The following ATP8A1 variants were observed in gnomAD, a reference collection of about 807,000 sequenced individuals.
ATP8A1 encodes the protein ATPase phospholipid transporting 8A1.
A neutral mutation model predicts 177.7 loss-of-function variants in ATP8A1; 90 were observed. The ratio of observed to expected loss-of-function variants is 0.51; its 90% CI spans 0.43 to 0.60. ATP8A1 has a LOEUF of 0.60. ATP8A1 is among the 20% of genes least tolerant of loss of function. The pLI is 0.00. For missense variants in ATP8A1, 1,072 were observed against 1,392.8 expected (o/e 0.77, Z 3.67); for synonymous variants, 493 against 485.9 (o/e 1.01, Z -0.19).
chr4:42,533,157 T>C (rs994733712), intron 20 of ATP8A1, among the ~76,000 whole-genome samples: 1 of 152,160 alleles, frequency 6.6e-6, no homozygotes. Context: ...TCCACACTTT[T>C]TGAAGGAGGA....
intron 24 of ATP8A1, among the ~76,000 whole-genome samples, chr4:42,493,827 C>G (rs1007928715): frequency 6.6e-6 from 1 of 151,966 alleles, no homozygotes; most frequent in Non-Finnish European, 1.5e-5. Flanking sequence ...AATAAAGTGC[C>G]CTGTCCAGTG....
chr4:42,624,550 T>A lies in ATP8A1; in HGVS notation c.349A>T (p.Ile117Leu). 2 of 1,474,794 alleles carry A rather than the reference T, an allele frequency of 1.4e-6. No homozygotes were observed. Among genetic ancestry groups the A allele is most frequent in the Non-Finnish European group, 9.1e-7 (1 of 1,104,226 alleles). The allele number at this position is 1,474,794 out of a possible 1,614,324, so 91.4% of individuals were successfully genotyped here. The change falls in exon 4 of 37, where the codon ATA becomes TTA. Residue 117 changes from isoleucine to leucine, a missense_variant. Ile to Leu is a conservative substitution (Grantham distance 5). Around this residue, in one of 5 missense-constraint regions of ATP8A1, gnomAD observed 344 missense variants for 393.5 expected, o/e 0.87. Transcript: ENST00000381668. Reference sequence around the variant, plus strand: ...AGAATACTTACAATATCTTCTATTATCTCTTTGATAGCTGCCACAGCTAAA... The same window carrying A: ...AGAATACTTACAATATCTTCTATTAACTCTTTGATAGCTGCCACAGCTAAA... Reference protein sequence around the residue: ...FILAVAAIKEIIEDIKRHKAD... With the variant: ...FILAVAAIKELIEDIKRHKAD...
At chr4:42,586,175 TAA>T (rs1336732893) in intron 9 of ATP8A1, among the ~76,000 whole-genome samples, 172 bp downstream of exon 9, 1 of 152,198 alleles carries the variant, frequency 6.6e-6, no homozygotes, top group Non-Finnish European at 1.5e-5. Context: ...CATGAATGGA[TAA>T]GATTCAACAT....
intron 3 of ATP8A1, 88 bp downstream of exon 3, chr4:42,625,526 G>C (rs1418487932): frequency 1.2e-6 from 1 of 824,310 alleles, no homozygotes; most frequent in African/African-American, 1.8e-5. Flanking sequence ...TTATCTCTCG[G>C]CATTTACATA....
chr4:42,627,143 G>T, intron 1 of ATP8A1, 34 bp from the exon 2 acceptor site: 1 of 1,523,312 alleles, frequency 6.6e-7, no homozygotes, highest in Non-Finnish European at 9.1e-7. Context: ...TACAAGAAAT[G>T]TTTTATTGTC....
rs537263039 is a variant in ATP8A1, at chr4:42,542,302, A to C, written c.1722+1615T>G. On this transcript the variant is annotated intron_variant, in intron 20 of 36. Coordinates refer to ENST00000381668, the MANE Select transcript of ATP8A1 (RefSeq NM_006095.2). The stretch of plus-strand genomic sequence containing the variant: ...TCCATCATTTTTTATTTTTTATTCA[A>C]AGCTTTAACTCCTCAAACAAGTTTC... Among the ~76,000 whole-genome samples the C allele has an allele frequency of 1.3e-3, 193 of 152,236 alleles. 3 individuals carry two copies. Among genetic ancestry groups the C allele is most frequent in the Admixed American group, 0.012 (186 of 15,276 alleles).
chr4:42,507,275 T>A, intron 22 of ATP8A1, 121 bp from the exon 23 acceptor site: 2 of 1,053,604 alleles, frequency 1.9e-6, no homozygotes, highest in Non-Finnish European at 1.4e-6. Context: ...GACTTTGGTG[T>A]AAATTCCAAC....
In ATP8A1 at chr4:42,557,465, T is replaced by A. The variant is rs189136475; in HGVS notation, c.1341-1425A>T. Among the ~76,000 whole-genome samples the A allele has an allele frequency of 8.4e-3, 1,279 of 152,328 alleles. 12 individuals are homozygous for A. The highest frequency in any genetic ancestry group is 0.029 in the African/African-American group (1,193 of 41,576). ...ATGTCAAGGAATATTCACAGTAACA[T>A]CTTGCAAGAAGTCTATTTTCTTTCC... On this transcript the variant is annotated intron_variant, in intron 15 of 36. Coordinates refer to ENST00000381668, the MANE Select transcript of ATP8A1 (RefSeq NM_006095.2).
chr4:42,576,404 T>A (rs1401838109), intron 12 of ATP8A1, among the ~76,000 whole-genome samples: 5 of 123,492 alleles, frequency 4.0e-5, no homozygotes, highest in Admixed American at 3.3e-4. Context: ...TGAACCCGGG[T>A]GGCAAAGCTC....
At chr4:42,606,027 A>C (rs915872768) in intron 5 of ATP8A1, among the ~76,000 whole-genome samples, 1 of 152,206 alleles carries the variant, frequency 6.6e-6, no homozygotes, top group Non-Finnish European at 1.5e-5. Flanking sequence ...AAACATGGAC[A>C]TTCTTGTTTT....
chr4:42,607,656 C>A (rs531730429), intron 5 of ATP8A1, among the ~76,000 whole-genome samples: 50 of 147,410 alleles, frequency 3.4e-4, no homozygotes, highest in African/African-American at 1.2e-3. Context: ...TTAATGTATT[C>A]ATTTCAGTAG....
rs940702836 is a variant in ATP8A1 at position 42,412,708 on chromosome 4, T to TA, written c.*207dup. ...GTTTACAAAGACTTAGCAAATACCT[T>TA]AAAAAAATCCAAAAGAGATGGTGTT... On this transcript the variant is annotated 3_prime_UTR_variant, in exon 37 of 37. Coordinates refer to ENST00000381668, the MANE Select transcript of ATP8A1 (RefSeq NM_006095.2). The TA allele has an allele frequency of 6.0e-5, 27 of 451,482 alleles. No homozygotes were observed. Among genetic ancestry groups the TA allele is most frequent in the Non-Finnish European group, 9.0e-5 (23 of 254,614 alleles). The allele number at this position is 451,482 out of a possible 1,614,324, so 28.0% of individuals were successfully genotyped here.
intron 33 of ATP8A1, among the ~76,000 whole-genome samples, chr4:42,430,558 G>T (rs569788117): frequency 6.6e-6 from 1 of 152,070 alleles, no homozygotes; most frequent in African/African-American, 2.4e-5. Context: ...TGTCATGGGG[G>T]TTTGACATGC....
intron 22 of ATP8A1, among the ~76,000 whole-genome samples, chr4:42,520,628 C>T (rs1212595461): frequency 6.6e-6 from 1 of 152,082 alleles, no homozygotes; most frequent in Non-Finnish European, 1.5e-5. Context: ...GATAACAAGT[C>T]TCCTGGTGTG....
intron 30 of ATP8A1, among the ~76,000 whole-genome samples, chr4:42,446,916 A>G (rs1717331737): frequency 1.3e-5 from 2 of 152,272 alleles, no homozygotes; most frequent in Admixed American, 6.5e-5. Context: ...AATCCAACAA[A>G]TTGTTCAAAC....
intron 33 of ATP8A1, among the ~76,000 whole-genome samples, chr4:42,441,033 C>A (rs1350892224): frequency 1.3e-5 from 2 of 152,092 alleles, no homozygotes; most frequent in Non-Finnish European, 2.9e-5. Context: ...GTGGTGGTGA[C>A]AGAAATTACC....
chr4:42,545,578 T>C (rs990968470), intron 19 of ATP8A1, among the ~76,000 whole-genome samples: 3 of 152,218 alleles, frequency 2.0e-5, no homozygotes, highest in Admixed American at 6.5e-5. Context: ...TCTTGCACTG[T>C]GCAGGGCTAC....
At chr4:42,496,767 C>T (rs567775223) in intron 24 of ATP8A1, among the ~76,000 whole-genome samples, 21 of 151,008 alleles carry the variant, frequency 1.4e-4, no homozygotes, top group East Asian at 1.9e-4. Context: ...CATATATATA[C>T]GCACATATAT....
At chr4:42,588,515 G>A (rs1320168580) in intron 7 of ATP8A1, 186 bp from the exon 8 acceptor site, 5 of 497,944 alleles carry the variant, frequency 1.0e-5, no homozygotes, top group Non-Finnish European at 1.8e-5. Flanking sequence ...GACAACTCAC[G>A]GATTAGCTTT....
Sources: allele counts gnomAD v4.1 joint callset (sites outside exome capture counted in the v4.1 genomes callset), GRCh38; gene constraint gnomAD v4.1.1; regional missense constraint gnomAD v4.1.1; transcripts MANE v1.5; gene names NCBI Gene and HGNC (gene_info 2026-07-23, HGNC 2026-07-21).